The following PTBP3 variants were observed in gnomAD, a reference collection of about 807,000 sequenced individuals.
The protein encoded by PTBP3 is polypyrimidine tract-binding protein 3.
PTBP3 carries 20 observed loss-of-function variants against 58.7 expected under a neutral mutation model. That is an observed-to-expected ratio of 0.34 (90% CI 0.24 to 0.50). The LOEUF (loss-of-function observed/expected upper bound fraction) is 0.50. Ranked by LOEUF, PTBP3 falls within the 20% of genes least tolerant of loss-of-function variation. The probability of loss-of-function intolerance (pLI) is 0.98; values close to 1 mark genes in which losing one functional copy is unlikely to be tolerated. For missense variants in PTBP3, 509 were observed against 637.2 expected (o/e 0.80, Z 2.17); for synonymous variants, 185 against 219.8 (o/e 0.84, Z 1.40).
chr9:112,330,683 T>C (rs1158763080), intron 1 of PTBP3, among the ~76,000 whole-genome samples: 4 of 152,150 alleles, frequency 2.6e-5, no homozygotes, highest in South Asian at 4.1e-4. Flanking sequence ...TTACTACCAA[T>C]GCAAGAAACA....
At chr9:112,224,054 A>C in intron 13 of PTBP3, 71 bp from the exon 14 acceptor site, 2 of 1,559,870 alleles carry the variant, frequency 1.3e-6, no homozygotes, top group Non-Finnish European at 1.8e-6. Context: ...CCTCCACCAG[A>C]AGACTTCACT....
intron 1 of PTBP3, among the ~76,000 whole-genome samples, chr9:112,303,939 G>A (rs1829057582): frequency 6.6e-6 from 1 of 152,112 alleles, no homozygotes; most frequent in East Asian, 1.9e-4. Context: ...GGCCAAGGCA[G>A]GCGGATCACT....
chr9:112,325,166 G>C (rs1302793666), intron 1 of PTBP3, among the ~76,000 whole-genome samples: 3 of 152,150 alleles, frequency 2.0e-5, no homozygotes, highest in Non-Finnish European at 4.4e-5. Context: ...AAAATGCCTA[G>C]GCAAAGAGGG....
chr9:112,231,355 A>G, intron 10 of PTBP3, 25 bp downstream of exon 10: 12 of 1,559,016 alleles, frequency 7.7e-6, no homozygotes, highest in Non-Finnish European at 9.7e-6. Context: ...TGTAGACAAT[A>G]ATAAAATAGC....
At chr9:112,331,741 C>T (rs1159481437) in intron 1 of PTBP3, among the ~76,000 whole-genome samples, 1 of 152,186 alleles carries the variant, frequency 6.6e-6, no homozygotes, top group Admixed American at 6.5e-5. Flanking sequence ...CATATTCAAA[C>T]CAATAAACCC....
upstream of PTBP3, among the ~76,000 whole-genome samples, chr9:112,337,130 A>C (rs1830583181): frequency 6.6e-6 from 1 of 152,202 alleles, no homozygotes; most frequent in African/African-American, 2.4e-5. Context: ...CCCAGGTTCA[A>C]GCAATTCTCC....
chr9:112,232,153 C>A lies in PTBP3; in HGVS notation c.966G>T (p.Gly322=). The change falls in exon 9 of 14, where the codon GGG becomes GGT. Residue 322 remains glycine (G), a synonymous_variant. Coordinates refer to ENST00000374257, the MANE Select transcript of PTBP3 (RefSeq NM_001163788.4). ...SAVTGRMAIP[G]ASGIPGNSVL... is the part of the protein sequence containing the mutation. The stretch of plus-strand genomic sequence containing the variant: ...CAGAATTTCCTGGTATACCACTAGC[C>A]CCAGGAATGGCCATCCTTCCAGTGA... The A allele has an allele frequency of 5.0e-6, 8 of 1,613,484 alleles. No individual in the cohort carries two copies. Among genetic ancestry groups the A allele is most frequent in the Non-Finnish European group, 5.9e-6 (7 of 1,179,616 alleles).
intron 1 of PTBP3, among the ~76,000 whole-genome samples, chr9:112,315,673 C>G (rs529867561): frequency 1.3e-4 from 20 of 152,252 alleles, no homozygotes; most frequent in African/African-American, 4.8e-4. Flanking sequence ...AAACTTAATT[C>G]ATAATTTAAA....
chr9:112,270,873 A>G lies in PTBP3; in HGVS notation c.205-2678T>C, dbSNP rs12001449. The stretch of plus-strand genomic sequence containing the variant: ...TGCTCTGTAGCCCAGGCTGGAGAGC[A>G]GTAGCGTGATCTTGGCTCACTGCAA... On this transcript the variant is annotated intron_variant, in intron 3 of 13. Coordinates refer to ENST00000374257, the MANE Select transcript of PTBP3 (RefSeq NM_001163788.4). Among the ~76,000 whole-genome samples the G allele has an allele frequency of 6.0e-3, 907 of 152,292 alleles. 8 individuals are homozygous for G. Among genetic ancestry groups the G allele is most frequent in the African/African-American group, 0.021 (858 of 41,560 alleles).
intron 2 of PTBP3, among the ~76,000 whole-genome samples, chr9:112,297,004 GATA>G (rs144614837): frequency 7.3e-5 from 11 of 151,586 alleles, no homozygotes; most frequent in Admixed American, 6.6e-4. Flanking sequence ...CCAAATAAAG[GATA>G]ATAATAATAA....
chr9:112,324,841 C>T (rs913045540), intron 1 of PTBP3, among the ~76,000 whole-genome samples: 7 of 152,044 alleles, frequency 4.6e-5, no homozygotes, highest in Admixed American at 3.3e-4. Flanking sequence ...CAACACCCAG[C>T]GTGTTGTCAG....
At chr9:112,359,315 C>A in the PTBP3 span, among the ~76,000 whole-genome samples, 1 of 151,568 alleles carries the variant, frequency 6.6e-6, no homozygotes, top group Admixed American at 6.6e-5. Flanking sequence ...GGTATGATGG[C>A]GGGAACCTGC....
chr9:112,318,347 G>A (rs905986168), intron 1 of PTBP3, among the ~76,000 whole-genome samples: 1 of 152,146 alleles, frequency 6.6e-6, no homozygotes, highest in East Asian at 1.9e-4. Flanking sequence ...AATATGCAAA[G>A]TATTTCTATA....
intron 1 of PTBP3, among the ~76,000 whole-genome samples, chr9:112,300,011 T>G (rs1269750747): frequency 6.6e-6 from 1 of 152,248 alleles, no homozygotes; most frequent in African/African-American, 2.4e-5. Context: ...TAAAGATATT[T>G]GACCGCATCC....
At chr9:112,290,701 T>C (rs371299873) in intron 2 of PTBP3, among the ~76,000 whole-genome samples, 23,062 of 62,930 alleles carry the variant, frequency 0.37, 2,943 homozygotes, top group South Asian at 0.47. Flanking sequence ...TATATATATA[T>C]ATATATACAC....
intron 7 of PTBP3, among the ~76,000 whole-genome samples, chr9:112,239,565 C>T (rs541508580): frequency 6.6e-6 from 1 of 151,574 alleles, no homozygotes; most frequent in Non-Finnish European, 1.5e-5. Flanking sequence ...CCCCGCCTCT[C>T]TATAAAAACT....
chr9:112,220,142 G>C lies in PTBP3; in HGVS notation c.*3709C>G, dbSNP rs544567540. 1 of 1,303,228 alleles carries C rather than the reference G, an allele frequency of 7.7e-7. No homozygotes were observed. The allele number at this position is 1,303,228 out of a possible 1,614,324, so 80.7% of individuals were successfully genotyped here. On this transcript the variant is annotated 3_prime_UTR_variant, in exon 14 of 14. Coordinates refer to ENST00000374257, the MANE Select transcript of PTBP3 (RefSeq NM_001163788.4). ...GCAGTACACATTAGGTTTTCTAAGGGATAGGTGGGGAAAAACACATGTACT... is the reference window on the plus strand; with the variant it reads ...GCAGTACACATTAGGTTTTCTAAGGCATAGGTGGGGAAAAACACATGTACT...
intron 2 of PTBP3, among the ~76,000 whole-genome samples, chr9:112,297,162 G>A (rs17831424): frequency 0.094 from 14,272 of 152,046 alleles, 946 homozygotes; most frequent in Non-Finnish European, 0.15. Flanking sequence ...AAAACGTATC[G>A]TCTTATACTT....
In PTBP3 at chr9:112,220,029, T is replaced by C. The variant is rs1169643723; in HGVS notation, c.*3822A>G. On this transcript the variant is annotated 3_prime_UTR_variant, in exon 14 of 14. Transcript: ENST00000374257. ...GTAGAGTATTTTGAGTCTGGCAGTT[T>C]TGTTCTCATTAACAGATCAAGACAA... 1 of 1,048,102 alleles carries C rather than the reference T, an allele frequency of 9.5e-7. No individual in the cohort carries two copies. The highest frequency in any genetic ancestry group is 1.2e-6 in the Non-Finnish European group (1 of 835,080). 64.9% of individuals were successfully genotyped at this position (1,048,102 alleles called of 1,614,324 possible).
Sources: allele counts gnomAD v4.1 joint callset (sites outside exome capture counted in the v4.1 genomes callset), GRCh38; gene constraint gnomAD v4.1.1; transcripts MANE v1.5; gene names NCBI Gene and HGNC (gene_info 2026-07-23, HGNC 2026-07-21).